Variants in TENM3 observed in about 807,000 individuals in gnomAD.
The protein encoded by TENM3 is teneurin transmembrane protein 3.
A neutral mutation model predicts 255.1 loss-of-function variants in TENM3; 63 were observed. The ratio of observed to expected loss-of-function variants is 0.25; its 90% CI spans 0.20 to 0.30. TENM3 has a LOEUF of 0.30. Among genes scored for constraint, TENM3 ranks in the 10% least tolerant of loss-of-function variants. TENM3 has a pLI of 1.00. For synonymous variants in TENM3, 1,306 were observed against 1,322.3 expected (o/e 0.99, Z 0.27); for missense variants, 2,929 against 3,461.1 (o/e 0.85, Z 3.86).
chr4:182,687,320 G>C (rs1756658794), intron 11 of TENM3, among the ~76,000 whole-genome samples: 1 of 151,980 alleles, frequency 6.6e-6, no homozygotes. Flanking sequence ...TTTTACCTTT[G>C]CCTCTCCCTG....
chr4:182,169,113 G>C (rs1751930848), intron 1 of TENM3, among the ~76,000 whole-genome samples: 1 of 118,546 alleles, frequency 8.4e-6, no homozygotes, highest in Non-Finnish European at 2.0e-5. Flanking sequence ...ACGTGGGTGT[G>C]AATGAATGCC....
chr4:182,457,348 A>G (rs1186281319), intron 3 of TENM3, among the ~76,000 whole-genome samples: 1 of 152,122 alleles, frequency 6.6e-6, no homozygotes, highest in East Asian at 1.9e-4. Flanking sequence ...CCAAGGCCTA[A>G]TAATAGCTGA....
At chr4:181,761,248 T>C in the TENM3 span, among the ~76,000 whole-genome samples, 1 of 152,270 alleles carries the variant, frequency 6.6e-6, no homozygotes, top group East Asian at 1.9e-4. Flanking sequence ...CGGTTATTGA[T>C]GGCTAAAATA....
rs186304212 is a variant in TENM3 at position 182,494,293 on chromosome 4, A to G, written c.512-106631A>G. ...GTAGTCCCCCCTGATCACTTTTGGC[A>G]GTTTCAGTTACCCATGGTAAACCAC... On this transcript the variant is annotated intron_variant, in intron 3 of 27. Transcript: ENST00000511685. Among the ~76,000 whole-genome samples the G allele has an allele frequency of 3.9e-4, 60 of 152,264 alleles. 1 individual carries two copies. Among genetic ancestry groups the G allele is most frequent in the Admixed American group, 3.9e-3 (59 of 15,292 alleles).
the TENM3 span, among the ~76,000 whole-genome samples, chr4:181,448,946 A>G: frequency 6.6e-6 from 1 of 152,206 alleles, no homozygotes; most frequent in Non-Finnish European, 1.5e-5. Context: ...TTGCTCCACC[A>G]TATACCCTCT....
the TENM3 span, among the ~76,000 whole-genome samples, chr4:181,787,748 C>T: frequency 6.6e-6 from 1 of 152,088 alleles, no homozygotes; most frequent in African/African-American, 2.4e-5. Context: ...TACCTATAAA[C>T]CCTGTTTCAA....
At chr4:181,748,535 C>G in the TENM3 span, among the ~76,000 whole-genome samples, 3 of 152,000 alleles carry the variant, frequency 2.0e-5, no homozygotes, top group Admixed American at 6.6e-5. Flanking sequence ...ATTCCTAACA[C>G]AAAATATTTT....
intron 3 of TENM3, among the ~76,000 whole-genome samples, chr4:182,386,639 G>A (rs960304991): frequency 8.9e-5 from 11 of 123,466 alleles, no homozygotes; most frequent in African/African-American, 2.8e-4. Flanking sequence ...TGGGCTTGGC[G>A]GGCCCCGCAC....
intron 1 of TENM3, among the ~76,000 whole-genome samples, chr4:182,186,259 A>G (rs918816663): frequency 2.0e-5 from 3 of 152,154 alleles, no homozygotes; most frequent in African/African-American, 7.2e-5. Flanking sequence ...TTTTGTCAAT[A>G]ATTGTTAAAA....
chr4:182,387,906 T>TTCCGGACACAAA (rs1254842751), intron 3 of TENM3, among the ~76,000 whole-genome samples: 1 of 137,932 alleles, frequency 7.2e-6, no homozygotes, highest in Non-Finnish European at 1.5e-5. Flanking sequence ...CCGGACACAA[T>TTCCGGACACAAA]AGGACTCTGG....
chr4:182,734,384 C>G (rs1761005794), intron 16 of TENM3, among the ~76,000 whole-genome samples: 1 of 152,100 alleles, frequency 6.6e-6, no homozygotes, highest in Admixed American at 6.6e-5. Context: ...GATGCGGAAC[C>G]AAGACCCCAG....
the TENM3 span, among the ~76,000 whole-genome samples, chr4:182,088,704 A>G: frequency 2.6e-5 from 4 of 151,936 alleles, no homozygotes; most frequent in Non-Finnish European, 5.9e-5. Flanking sequence ...CGTGGTGGCA[A>G]GCGCCTGTAG....
intron 27 of TENM3, among the ~76,000 whole-genome samples, chr4:182,797,562 C>A (rs1770296889): frequency 6.6e-6 from 1 of 152,090 alleles, no homozygotes; most frequent in African/African-American, 2.4e-5. Context: ...CTGAGAATAG[C>A]AGATCAAGAG....
the TENM3 span, among the ~76,000 whole-genome samples, chr4:181,473,317 G>A: frequency 0.11 from 16,761 of 152,120 alleles, 1,082 homozygotes; most frequent in East Asian, 0.18. Flanking sequence ...GACTGAGTGC[G>A]GTGGCTCATG....
intron 3 of TENM3, among the ~76,000 whole-genome samples, chr4:182,479,332 G>A (rs188055206): frequency 8.6e-5 from 13 of 151,826 alleles, no homozygotes; most frequent in African/African-American, 2.4e-4. Context: ...GTCAGGCTAC[G>A]TTTTTATATT....
At chr4:181,824,163 G>A in the TENM3 span, among the ~76,000 whole-genome samples, 3 of 152,048 alleles carry the variant, frequency 2.0e-5, no homozygotes, top group East Asian at 1.9e-4. Context: ...GTGCAGTGGT[G>A]CAGTCACAAC....
At chr4:181,510,312 G>GA in the TENM3 span, among the ~76,000 whole-genome samples, 18 of 147,784 alleles carry the variant, frequency 1.2e-4, no homozygotes, top group Non-Finnish European at 1.5e-4. Context: ...CGAACAAGTA[G>GA]AAAAAAAAAA....
the TENM3 span, among the ~76,000 whole-genome samples, chr4:181,825,068 A>G: frequency 2.0e-5 from 3 of 152,206 alleles, no homozygotes; most frequent in African/African-American, 2.4e-5. Flanking sequence ...TGTCATTAGC[A>G]TAAGCAACTA....
Position 182,792,004 on chromosome 4 carries a change from G to A in TENM3, c.5602-270G>A, listed in dbSNP as rs1436402403. On this transcript the variant is annotated intron_variant, in intron 25 of 27. Coordinates refer to ENST00000511685, the MANE Select transcript of TENM3 (RefSeq NM_001080477.4). The surrounding 1 kb of genome is among the most constrained non-coding windows in gnomAD (Gnocchi z 6.3). ...ATCCAGATCCATTGACAAATCTGCT[G>A]GTTGGCTATGAATGTCTGGGAAAAT... is the stretch of plus-strand genomic sequence containing the variant. 1.3e-5 allele frequency among the ~76,000 whole-genome samples: 2 copies of A among 152,086 alleles called. No individual in the cohort carries two copies. The highest frequency in any genetic ancestry group is 2.9e-5 in the Non-Finnish European group (2 of 68,028).
Sources: gnomAD v4.1 joint callset for allele counts (sites outside exome capture counted in the v4.1 genomes callset) on GRCh38, gnomAD v4.1.1 for gene constraint, Gnocchi (gnomAD v3.1) non-coding constraint, MANE v1.5 for transcripts, NCBI Gene and HGNC (gene_info 2026-07-23, HGNC 2026-07-21) for gene names.